The following CRTAC1 variants were observed in gnomAD, a reference collection of about 807,000 sequenced individuals.
The protein encoded by CRTAC1 is cartilage acidic protein 1, also known as acidic secreted protein in cartilage.
A neutral mutation model predicts 67.8 loss-of-function variants in CRTAC1; 37 were observed. The ratio of observed to expected loss-of-function variants is 0.55; its 90% CI spans 0.42 to 0.72. CRTAC1 has a LOEUF of 0.72. Among genes scored for constraint, CRTAC1 ranks in the 30% least tolerant of loss-of-function variants. The pLI is 0.00. For missense variants in CRTAC1, 780 were observed against 931.6 expected, an observed-to-expected ratio of 0.84 and a Z score of 2.12; for synonymous variants, 348 against 371.0, an observed-to-expected ratio of 0.94 and a Z score of 0.71.
rs540837849 is a variant in CRTAC1 at position 97,983,711 on chromosome 10, A to T, written c.224+27427T>A. Among the ~76,000 whole-genome samples the T allele has an allele frequency of 5.3e-5, 8 of 152,336 alleles. No individual in the cohort carries two copies. The South Asian group carries it at 1.7e-3, about 32-fold the overall frequency. The stretch of plus-strand genomic sequence containing the variant: ...CCAGGACCCTAGGCCTGGCAATGGC[A>T]TAGTGGTAGAAGACAGAAGATTCAT... On this transcript the variant is annotated intron_variant, in intron 2 of 14. Transcript: ENST00000370597.
chr10:97,960,862 A>T (rs2051513869), intron 2 of CRTAC1, among the ~76,000 whole-genome samples: 1 of 152,260 alleles, frequency 6.6e-6, no homozygotes, highest in African/African-American at 2.4e-5. Context: ...AAACAAGGGT[A>T]GTGTGTACAG....
intron 2 of CRTAC1, among the ~76,000 whole-genome samples, chr10:98,010,025 G>C (rs1842875329): frequency 6.6e-6 from 1 of 151,650 alleles, no homozygotes; most frequent in Non-Finnish European, 1.5e-5. Context: ...GCACATATTA[G>C]TGCTCAATGC....
At chr10:97,915,514 A>T (rs965195592) in intron 5 of CRTAC1, among the ~76,000 whole-genome samples, 1 of 152,032 alleles carries the variant, frequency 6.6e-6, no homozygotes, top group Admixed American at 6.5e-5. Flanking sequence ...CCAGCTTCTC[A>T]GGCCCCCTGG....
intron 1 of CRTAC1, among the ~76,000 whole-genome samples, chr10:98,015,084 A>G (rs988605305): frequency 6.6e-6 from 1 of 152,236 alleles, no homozygotes; most frequent in Non-Finnish European, 1.5e-5. Context: ...ACAAAATGTG[A>G]TATATGCATA....
chr10:97,896,542 G>A (rs1196057028), intron 9 of CRTAC1, among the ~76,000 whole-genome samples: 1 of 152,158 alleles, frequency 6.6e-6, no homozygotes, highest in East Asian at 1.9e-4. Flanking sequence ...TGCCAAGAGG[G>A]GAGGGGTCAG....
intron 8 of CRTAC1, among the ~76,000 whole-genome samples, chr10:97,899,097 G>A (rs1020359851): frequency 3.3e-5 from 5 of 152,218 alleles, no homozygotes; most frequent in African/African-American, 1.2e-4. Context: ...TGCCTGTTCA[G>A]TGACAGGTGA....
rs538000248 is a variant in CRTAC1, at chr10:97,935,288, T to C, written c.421+882A>G. On this transcript the variant is annotated intron_variant, in intron 3 of 14. Coordinates refer to ENST00000370597, the MANE Select transcript of CRTAC1 (RefSeq NM_018058.7). ...GGTGTGTGAGGCCTAAATGAGATAATTAATGTAAATGTTTAGATCAGGGTC... is the reference window on the plus strand; with the variant it reads ...GGTGTGTGAGGCCTAAATGAGATAACTAATGTAAATGTTTAGATCAGGGTC... Among the ~76,000 whole-genome samples the C allele has an allele frequency of 5.9e-5, 9 of 152,312 alleles. No homozygotes were observed. The South Asian group carries it at 1.7e-3, about 28-fold the overall frequency.
At chr10:98,002,934 A>G (rs929380829) in intron 2 of CRTAC1, among the ~76,000 whole-genome samples, 48 of 148,612 alleles carry the variant, frequency 3.2e-4, no homozygotes, top group South Asian at 2.1e-4. Flanking sequence ...GCCCGCCACC[A>G]CACCCAGCTA....
chr10:97,893,269 T>TACG (rs148028185), intron 11 of CRTAC1, among the ~76,000 whole-genome samples: 29,864 of 152,154 alleles, frequency 0.2, 2,981 homozygotes, highest in African/African-American at 0.23. Context: ...TTTCTGCACA[T>TACG]ATGTGTGTAT....
intron 2 of CRTAC1, among the ~76,000 whole-genome samples, chr10:97,993,423 T>C (rs1842496969): frequency 6.6e-6 from 1 of 152,222 alleles, no homozygotes; most frequent in South Asian, 2.1e-4. Flanking sequence ...GAACATGGAA[T>C]GAGTGTCTTC....
At chr10:97,885,374 T>C (rs1179284070) in intron 11 of CRTAC1, among the ~76,000 whole-genome samples, 1 of 151,982 alleles carries the variant, frequency 6.6e-6, no homozygotes, top group African/African-American at 2.4e-5. Flanking sequence ...TTAGAAAAGA[T>C]GGAGTGATAA....
chr10:97,991,965 A>T (rs922660413), intron 2 of CRTAC1, among the ~76,000 whole-genome samples: 2 of 152,234 alleles, frequency 1.3e-5, no homozygotes, highest in African/African-American at 4.8e-5. Context: ...CATACTTTTC[A>T]AAGTCTTCCT....
chr10:98,006,720 T>G (rs1184693528), intron 2 of CRTAC1, among the ~76,000 whole-genome samples: 1 of 152,140 alleles, frequency 6.6e-6, no homozygotes, highest in East Asian at 1.9e-4. Context: ...CAAGTTCAAG[T>G]ACGGAGCGCT....
intron 3 of CRTAC1, among the ~76,000 whole-genome samples, chr10:97,925,309 G>A (rs1180222650): frequency 6.6e-6 from 1 of 152,096 alleles, no homozygotes; most frequent in African/African-American, 2.4e-5. Context: ...AAGCAAGTGC[G>A]TGAGAAAAAG....
intron 2 of CRTAC1, among the ~76,000 whole-genome samples, chr10:97,983,786 A>G (rs1221680203): frequency 6.6e-6 from 1 of 152,184 alleles, no homozygotes; most frequent in Non-Finnish European, 1.5e-5. Flanking sequence ...CCATATCAAG[A>G]TGCGGGTGAA....
At chr10:98,017,272 T>G (rs1243167737) in intron 1 of CRTAC1, among the ~76,000 whole-genome samples, 1 of 152,100 alleles carries the variant, frequency 6.6e-6, no homozygotes, top group Non-Finnish European at 1.5e-5. Flanking sequence ...CTCCCAACAA[T>G]CAGCGGAGCA....
intron 11 of CRTAC1, among the ~76,000 whole-genome samples, chr10:97,890,388 T>C (rs2050351983): frequency 6.6e-6 from 1 of 151,846 alleles, no homozygotes; most frequent in Admixed American, 6.6e-5. Flanking sequence ...GGATTACAGG[T>C]ATGAGCCGCT....
At chr10:98,012,581 T>C (rs1842929667) in intron 1 of CRTAC1, among the ~76,000 whole-genome samples, 1 of 152,202 alleles carries the variant, frequency 6.6e-6, no homozygotes, top group Admixed American at 6.5e-5. Flanking sequence ...GGCTGATGTC[T>C]TAATGAAGGG....
intron 12 of CRTAC1, 149 bp from the exon 13 acceptor site, chr10:97,882,977 G>A (rs1339690265): frequency 1.4e-6 from 1 of 734,886 alleles, no homozygotes; most frequent in Admixed American, 2.3e-5. Flanking sequence ...CCCCTCCCTT[G>A]TAAGACCCTT....
Sources: allele counts gnomAD v4.1 joint callset (sites outside exome capture counted in the v4.1 genomes callset), GRCh38; gene constraint gnomAD v4.1.1; transcripts MANE v1.5; gene names NCBI Gene and HGNC (gene_info 2026-07-23, HGNC 2026-07-21).